NGEF: variants seen among roughly 807,000 people sequenced by gnomAD.
The protein encoded by NGEF is neuronal guanine nucleotide exchange factor, also known as ephexin-1.
A neutral mutation model predicts 80.9 loss-of-function variants in NGEF; 31 were observed. That is an observed-to-expected ratio of 0.38 (90% CI 0.29 to 0.52). The LOEUF (loss-of-function observed/expected upper bound fraction) is 0.52. NGEF is among the 20% of genes least tolerant of loss of function. The pLI, the probability that NGEF is intolerant of heterozygous loss-of-function variation, is 0.84. For missense variants in NGEF, 709 were observed against 926.2 expected (o/e 0.77, Z 3.04); for synonymous variants, 371 against 370.2 (o/e 1.00, Z -0.03).
At chr2:232,977,771 A>T (rs2106325825) in intron 1 of NGEF, among the ~76,000 whole-genome samples, 1 of 152,326 alleles carries the variant, frequency 6.6e-6, no homozygotes, top group East Asian at 1.9e-4. Flanking sequence ...CAGGAGGCAC[A>T]GGCGGGGTGG....
At position 232,892,881 on chromosome 2, in the gene NGEF, T is replaced by C; in HGVS notation, c.1142+17A>G. ...GCACCTCCCCCTGCCCCTGAGCCCCTTGCCGGATACACTCACAGCAGCTGC... is the reference window on the plus strand; with the variant it reads ...GCACCTCCCCCTGCCCCTGAGCCCCCTGCCGGATACACTCACAGCAGCTGC... On this transcript the variant is annotated intron_variant, in intron 7 of 14. Coordinates refer to ENST00000264051, the MANE Select transcript of NGEF (RefSeq NM_019850.3). The surrounding 1 kb of genome is among the most constrained non-coding windows in gnomAD (Gnocchi z 4.0). The C allele has an allele frequency of 6.2e-7, 1 of 1,610,516 alleles. No individual in the cohort carries two copies. Among genetic ancestry groups the C allele is most frequent in the Non-Finnish European group, 8.5e-7 (1 of 1,178,204 alleles).
intron 1 of NGEF, among the ~76,000 whole-genome samples, chr2:233,004,802 TG>T (rs1361224612): frequency 3.9e-5 from 6 of 151,974 alleles, no homozygotes; most frequent in African/African-American, 1.4e-4. Context: ...CTCATCCTGC[TG>T]GGGGCCTTTC....
chr2:232,932,634 G>A (rs542481763), intron 3 of NGEF, among the ~76,000 whole-genome samples: 1 of 152,244 alleles, frequency 6.6e-6, no homozygotes, highest in South Asian at 2.1e-4. Context: ...GCTGTAGTCT[G>A]GGGGCCTATA....
intron 2 of NGEF, among the ~76,000 whole-genome samples, chr2:232,971,143 G>C (rs1290338148): frequency 6.6e-6 from 1 of 152,206 alleles, no homozygotes; most frequent in Non-Finnish European, 1.5e-5. Context: ...AGATGAAACA[G>C]AGAATGTCCC....
At chr2:232,923,065 C>T (rs1408264769) in intron 4 of NGEF, among the ~76,000 whole-genome samples, 6 of 145,506 alleles carry the variant, frequency 4.1e-5, no homozygotes, top group African/African-American at 1.3e-4. Flanking sequence ...AGCGAAACTC[C>T]ATCTCAGAAA....
chr2:232,899,711 CTCAG>C (rs1441870790), intron 5 of NGEF, among the ~76,000 whole-genome samples: 6 of 71,298 alleles, frequency 8.4e-5, no homozygotes, highest in Admixed American at 3.1e-4. Context: ...CACACACGCT[CTCAG>C]TCACTCATAT....
At chr2:232,899,028 G>A (rs953086571) in intron 5 of NGEF, among the ~76,000 whole-genome samples, 3 of 151,806 alleles carry the variant, frequency 2.0e-5, no homozygotes, top group South Asian at 4.2e-4. Context: ...ATGTGTGAGT[G>A]AATATGAGGG....
At chr2:232,942,904 CTTT>C (rs60735452) in intron 3 of NGEF, among the ~76,000 whole-genome samples, 23,289 of 117,778 alleles carry the variant, frequency 0.2, 2,147 homozygotes, top group Non-Finnish European at 0.23. Context: ...AGTGAAATTT[CTTT>C]TTTTTTTTTT....
intron 5 of NGEF, among the ~76,000 whole-genome samples, chr2:232,905,323 C>T (rs903153642): frequency 6.6e-6 from 1 of 152,232 alleles, no homozygotes; most frequent in South Asian, 2.1e-4. Flanking sequence ...GGGCTGGTCT[C>T]CAGCTCCTAA....
chr2:232,882,141 C>T (rs779387792), intron 13 of NGEF, 45 bp downstream of exon 13: 1 of 1,570,308 alleles, frequency 6.4e-7, no homozygotes, highest in Non-Finnish European at 8.7e-7. Context: ...TCCGGCAGGG[C>T]CAGCCCAAGG....
intron 12 of NGEF, among the ~76,000 whole-genome samples, chr2:232,882,894 T>A (rs1359376331): frequency 6.6e-6 from 1 of 151,852 alleles, no homozygotes; most frequent in African/African-American, 2.4e-5. Flanking sequence ...AGGGCAGGGG[T>A]CCCAGCTGCT....
chr2:233,002,404 G>A (rs566099198), intron 1 of NGEF, among the ~76,000 whole-genome samples: 2 of 152,254 alleles, frequency 1.3e-5, no homozygotes, highest in South Asian at 2.1e-4. Flanking sequence ...GTGGCCAGAC[G>A]TGGTGGCTCA....
In NGEF at chr2:232,879,487, G is replaced by C. The variant is rs1691418281; in HGVS notation, c.*2C>G. ...TGCTCCCGCTGGCCCCCTGGGTGGG[G>C]GTCATTGCCGATTCCGGCTGCCCAG... On this transcript the variant is annotated 3_prime_UTR_variant, in exon 15 of 15. Coordinates refer to ENST00000264051, the MANE Select transcript of NGEF (RefSeq NM_019850.3). The C allele has an allele frequency of 4.4e-6, 7 of 1,606,248 alleles. No individual in the cohort carries two copies. Among genetic ancestry groups the C allele is most frequent in the Non-Finnish European group, 5.1e-6 (6 of 1,173,992 alleles).
At chr2:232,899,705 C>A (rs1353094815) in intron 5 of NGEF, among the ~76,000 whole-genome samples, 1 of 68,826 alleles carries the variant, frequency 1.5e-5, no homozygotes, top group African/African-American at 5.6e-5. Context: ...TTCACTCACA[C>A]ACGCTCTCAG....
rs1386131863 is a variant in NGEF, at chr2:232,942,802, AAAAAAG to A, written c.384-15622_384-15617del. 2.9e-4 allele frequency among the ~76,000 whole-genome samples: 44 copies of A among 151,788 alleles called. No individual in the cohort carries two copies. In the East Asian group the frequency reaches 7.9e-3, roughly 27 times the overall value. On this transcript the variant is annotated intron_variant, in intron 3 of 14. Coordinates refer to ENST00000264051, the MANE Select transcript of NGEF (RefSeq NM_019850.3). The stretch of plus-strand genomic sequence containing the variant: ...CAGGAGACTCCGTCTCAAAAAAAAA[AAAAAAG>A]AAAAGAAAAGAAGAAAATGATGAGT...
intron 3 of NGEF, among the ~76,000 whole-genome samples, chr2:232,931,106 G>C (rs1284176873): frequency 6.6e-6 from 1 of 152,234 alleles, no homozygotes; most frequent in African/African-American, 2.4e-5. Flanking sequence ...GAAAAAGAGA[G>C]AGAGGAAGGA....
intron 2 of NGEF, among the ~76,000 whole-genome samples, chr2:232,973,257 C>G (rs568543182): frequency 4.6e-5 from 7 of 152,172 alleles, no homozygotes; most frequent in Non-Finnish European, 1.0e-4. Flanking sequence ...TGAGAATGTG[C>G]TTTTAACTTT....
At position 232,884,151 on chromosome 2, in the gene NGEF, C is replaced by T. The variant is rs376849642; in HGVS notation, c.1438-7G>A. On this transcript the variant is annotated splice_region_variant and splice_polypyrimidine_tract_variant and intron_variant, in intron 10 of 14. Transcript: ENST00000264051. ...GGGAGATGATGGGCACCGACTGCAG[C>T]GGGGAAAGGGCATCAGGCAGGCTGT... 1.3e-4 allele frequency: 199 copies of T among 1,586,018 alleles called. No homozygotes were observed. Among genetic ancestry groups the T allele is most frequent in the Middle Eastern group, 3.3e-4 (2 of 5,974 alleles).
chr2:232,900,004 ACAGT>A lies in NGEF; in HGVS notation c.829-5092_829-5089del, dbSNP rs1370519105. ...CACTCATTCACTCACACACGCTCTC[ACAGT>A]CACTCATATACACGTTCACTCACAT... On this transcript the variant is annotated intron_variant, in intron 5 of 14. Transcript: ENST00000264051. 1.5e-4 allele frequency among the ~76,000 whole-genome samples: 15 copies of A among 103,088 alleles called. 1 individual carries two copies. Among genetic ancestry groups the A allele is most frequent in the East Asian group, 1.1e-3 (4 of 3,748 alleles). 67.6% of individuals were successfully genotyped at this position (103,088 alleles called of 152,430 possible).
Sources: allele counts gnomAD v4.1 joint callset (sites outside exome capture counted in the v4.1 genomes callset), GRCh38; gene constraint gnomAD v4.1.1; non-coding constraint Gnocchi (gnomAD v3.1); transcripts MANE v1.5; gene names NCBI Gene and HGNC (gene_info 2026-07-23, HGNC 2026-07-21).